ATG9A: variants seen among roughly 807,000 people sequenced by gnomAD.
ATG9A encodes autophagy-related protein 9A.
Under a neutral mutation model 87.1 loss-of-function variants are expected in ATG9A, and 21 were observed. The observed-to-expected ratio is 0.24, with a 90% CI of 0.17 to 0.35. ATG9A has a LOEUF of 0.35. Ranked by LOEUF, ATG9A falls within the 10% of genes least tolerant of loss-of-function variation. The pLI, the probability that ATG9A is intolerant of heterozygous loss-of-function variation, is 1.00. For missense variants in ATG9A, 836 were observed against 1,107.3 expected (o/e 0.76, Z 3.48); for synonymous variants, 422 against 441.3 (o/e 0.96, Z 0.55).
In ATG9A at chr2:219,223,502, G is replaced by A; in HGVS notation, c.1599+83C>T. 1 of 1,436,920 alleles carries A rather than the reference G, an allele frequency of 7.0e-7. No individual in the cohort carries two copies. Among genetic ancestry groups the A allele is most frequent in the Non-Finnish European group, 9.4e-7 (1 of 1,067,112 alleles). The allele number at this position is 1,436,920 out of a possible 1,614,324, so 89.0% of individuals were successfully genotyped here. A position where few individuals can be genotyped will look rare whatever the true frequency, so the allele number is the denominator to read the frequency against. ...AGGACTGCCTTTGTGTGACTCAGGA[G>A]AGGTGTCTTTTTGCGGTTTTCCCAA... On this transcript the variant is annotated intron_variant, in intron 10 of 15. Coordinates refer to ENST00000361242, the MANE Select transcript of ATG9A (RefSeq NM_001077198.3). This position sits in a 1 kb window ranked among gnomAD's most constrained non-coding sequence, Gnocchi z 4.7.
rs1036547785 is a variant in ATG9A at position 219,220,590 on chromosome 2, C to T, written c.2515-138G>A. 17 of 1,499,110 alleles carry T rather than the reference C, an allele frequency of 1.1e-5. No individual in the cohort carries two copies. In the African/African-American group the frequency reaches 2.2e-4, roughly 20 times the overall value. 92.9% of individuals were successfully genotyped at this position (1,499,110 alleles called of 1,614,324 possible). The stretch of plus-strand genomic sequence containing the variant: ...TAAGGTAAGGAAAAACCAAGCCCTG[C>T]AGAGCAGTTGAGAAAAGAAGGGGTA... On this transcript the variant is annotated intron_variant, in intron 15 of 15. Coordinates refer to ENST00000361242, the MANE Select transcript of ATG9A (RefSeq NM_001077198.3).
chr2:219,224,283 T>C lies in ATG9A; in HGVS notation c.1088A>G (p.Lys363Arg). Residue 363 changes from lysine (K) to arginine (R), a missense_variant, in exon 8 of 16, where the codon AAG (lysine) becomes AGG (arginine). By Grantham distance (26) the Lys-to-Arg change is conservative. Around this residue, in one of 2 missense-constraint regions of ATG9A, gnomAD observed 512 missense variants for 759.6 expected, o/e 0.67. Coordinates refer to ENST00000361242, the MANE Select transcript of ATG9A (RefSeq NM_001077198.3). This position sits in a 1 kb window ranked among gnomAD's most constrained non-coding sequence, Gnocchi z 7.7. Reference sequence around the variant, plus strand: ...AGGTGACAAGAAGCAATTCATGTACTTGGAGGCGGGCTTGTAGCCACGGTT... The same window carrying C: ...AGGTGACAAGAAGCAATTCATGTACCTGGAGGCGGGCTTGTAGCCACGGTT... ...RLNRGYKPAS[K>R]YMNCFLSPLL... is the part of the protein sequence containing the mutation. 2 of 1,613,988 alleles carry C rather than the reference T, an allele frequency of 1.2e-6. No homozygotes were observed. The highest frequency in any genetic ancestry group is 1.7e-6 in the Non-Finnish European group (2 of 1,180,038).
chr2:219,221,334 C>T (rs1195860612), intron 13 of ATG9A, 32 bp from the exon 14 acceptor site: 3 of 1,510,298 alleles, frequency 2.0e-6, no homozygotes, highest in African/African-American at 1.4e-5. Flanking sequence ...TAGTGGGGGA[C>T]AGACGGATGT....
Position 219,222,962 on chromosome 2 carries a change from G to A in ATG9A, c.1600-69C>T, listed in dbSNP as rs188934878. 1.1e-3 allele frequency: 1,698 copies of A among 1,589,600 alleles called. 20 individuals carry two copies. In the South Asian group the frequency reaches 0.011, roughly 10 times the overall value. On this transcript the variant is annotated intron_variant, in intron 10 of 15. Coordinates refer to ENST00000361242, the MANE Select transcript of ATG9A (RefSeq NM_001077198.3). This position sits in a 1 kb window ranked among gnomAD's most constrained non-coding sequence, Gnocchi z 4.3. ...GAGCCTTCCTGCACCTTTCCTGTTA[G>A]TGGGGAGGCCTTACCCTTGGAGAAC...
intron 5 of ATG9A, among the ~76,000 whole-genome samples, chr2:219,226,489 A>G (rs1264347135): frequency 1.3e-5 from 2 of 151,800 alleles, no homozygotes; most frequent in African/African-American, 4.8e-5. Context: ...GTTCGAGACC[A>G]GCCTGGCCAA....
At chr2:219,220,640 G>A (rs1950733948) in intron 15 of ATG9A, 107 bp downstream of exon 15, 3 of 1,506,388 alleles carry the variant, frequency 2.0e-6, no homozygotes, top group Middle Eastern at 1.8e-4. Flanking sequence ...GGAGGGTACA[G>A]TATCTCTGTG....
chr2:219,228,222 G>A, intron 2 of ATG9A, 169 bp from the exon 3 acceptor site: 1 of 571,586 alleles, frequency 1.7e-6, no homozygotes, highest in Non-Finnish European at 3.1e-6. Flanking sequence ...GCTCAGGGCT[G>A]GGGGAGCCTT....
At chr2:219,220,692 C>A in intron 15 of ATG9A, 55 bp downstream of exon 15, 1 of 1,593,956 alleles carries the variant, frequency 6.3e-7, no homozygotes, top group Non-Finnish European at 8.6e-7. Flanking sequence ...AAGCTGTTAC[C>A]TCACCCTGGA....
In ATG9A at chr2:219,223,706, C is replaced by T. The variant is rs1299558413; in HGVS notation, c.1478G>A (p.Cys493Tyr). The T allele has an allele frequency of 1.2e-6, 2 of 1,613,692 alleles. No individual in the cohort carries two copies. Among genetic ancestry groups the T allele is most frequent in the South Asian group, 2.2e-5 (2 of 91,068 alleles). ...PIVTPLILIF[C>Y]LRPRALEIID... ...AATCTCCAGGGCCCGTGGGCGCAGG[C>T]AGAAGATGAGGATGAGGGGTGTGAC... The change falls in exon 10 of 16, where the codon TGC becomes TAC. Residue 493 changes from cysteine (C) to tyrosine (Y), a missense_variant. Physicochemically the swap from Cys to Tyr is radical, Grantham distance 194. Transcript: ENST00000361242. The surrounding 1 kb of genome is among the most constrained non-coding windows in gnomAD (Gnocchi z 4.7).
At position 219,224,515 on chromosome 2, in the gene ATG9A, G is replaced by A; in HGVS notation, c.856C>T (p.Leu286Phe). The A allele has an allele frequency of 6.2e-7, 1 of 1,614,138 alleles. No individual in the cohort carries two copies. Among genetic ancestry groups the A allele is most frequent in the South Asian group, 1.1e-5 (1 of 91,088 alleles). Residue 286 changes from leucine (L) to phenylalanine (F), a missense_variant, in exon 8 of 16, where the codon CTC becomes TTC. Coordinates refer to ENST00000361242, the MANE Select transcript of ATG9A (RefSeq NM_001077198.3). The surrounding 1 kb of genome is among the most constrained non-coding windows in gnomAD (Gnocchi z 7.7). ...GGQRLELAQR[L>F]SNRILWIGIA... is the part of the protein sequence containing the mutation. ...CCAATCCACAGGATGCGGTTGCTGA[G>A]GCGCTGGGCCAGCTCTAGCCGTTGC... is the stretch of plus-strand genomic sequence containing the variant.
chr2:219,220,972 G>C (rs1190579883), intron 14 of ATG9A, 80 bp from the exon 15 acceptor site: 4 of 1,570,728 alleles, frequency 2.5e-6, no homozygotes, highest in Non-Finnish European at 3.5e-6. Context: ...TGCTTGGGGG[G>C]TGAGTCTTTG....
intron 5 of ATG9A, 56 bp from the exon 6 acceptor site, chr2:219,225,628 C>T: frequency 1.3e-6 from 2 of 1,575,268 alleles, no homozygotes; most frequent in Admixed American, 3.4e-5. Flanking sequence ...TCCAGTGAAA[C>T]CCAGTGGGAA....
chr2:219,227,017 T>G, intron 4 of ATG9A, 84 bp from the exon 5 acceptor site: 1 of 1,162,532 alleles, frequency 8.6e-7, no homozygotes. Flanking sequence ...GCTTAAGTCC[T>G]GGCTCTGTGA....
rs1038611467 is a variant in ATG9A, at chr2:219,223,262, G to A, written c.1599+323C>T. Among the ~76,000 whole-genome samples the A allele has an allele frequency of 3.3e-5, 5 of 151,908 alleles. No individual in the cohort carries two copies. The highest frequency in any genetic ancestry group is 5.9e-5 in the Non-Finnish European group (4 of 67,976). On this transcript the variant is annotated intron_variant, in intron 10 of 15. Transcript: ENST00000361242. The surrounding 1 kb of genome is among the most constrained non-coding windows in gnomAD (Gnocchi z 4.7). ...GCTACCACGCCTGGCTAATTTTTTT[G>A]TATTTTTAGTAGAGAAGGGGTTTCA...
rs377501750 is a variant in ATG9A, at chr2:219,222,260, C to T, written c.2027+12G>A. The T allele has an allele frequency of 5.0e-6, 8 of 1,613,352 alleles. No individual in the cohort carries two copies. The highest frequency in any genetic ancestry group is 2.2e-5 in the East Asian group (1 of 44,878). ...CTGCCGTGCCCTCCCATCTTGGCCC[C>T]GATTTACTCACCCAGAGCCTGTCAT... On this transcript the variant is annotated intron_variant, in intron 12 of 15. Transcript: ENST00000361242. This position sits in a 1 kb window ranked among gnomAD's most constrained non-coding sequence, Gnocchi z 4.3.
chr2:219,221,000 C>T (rs991655954), intron 14 of ATG9A, 80 bp downstream of exon 14: 3 of 1,592,440 alleles, frequency 1.9e-6, no homozygotes, highest in Non-Finnish European at 2.6e-6. Context: ...TCTCTCAGAC[C>T]TCTTTCCTCC....
At position 219,224,508 on chromosome 2, in the gene ATG9A, T is replaced by C. The variant is rs1559245419; in HGVS notation, c.863A>G (p.Asn288Ser). ...QRLELAQRLS[N>S]RILWIGIANF... ...AGCGATGCCAATCCACAGGATGCGG[T>C]TGCTGAGGCGCTGGGCCAGCTCTAG... Residue 288 changes from asparagine to serine, a missense_variant, in exon 8 of 16, where the codon AAC becomes AGC. By Grantham distance (46) the Asn-to-Ser change is conservative. Coordinates refer to ENST00000361242, the MANE Select transcript of ATG9A (RefSeq NM_001077198.3). This position sits in a 1 kb window ranked among gnomAD's most constrained non-coding sequence, Gnocchi z 7.7. 1.9e-6 allele frequency: 3 copies of C among 1,614,106 alleles called. No individual in the cohort carries two copies. The highest frequency in any genetic ancestry group is 2.7e-5 in the African/African-American group (2 of 75,054).
rs770164703 is a variant in ATG9A at position 219,222,216 on chromosome 2, C to T, written c.2028-49G>A. On this transcript the variant is annotated intron_variant, in intron 12 of 15. Coordinates refer to ENST00000361242, the MANE Select transcript of ATG9A (RefSeq NM_001077198.3). This position sits in a 1 kb window ranked among gnomAD's most constrained non-coding sequence, Gnocchi z 4.3. ...CAGCAGCTGTGAACTTCTCTGAGACCCACACAAGCTGCTGAGGGCTGCCGT... is the reference window on the plus strand; with the variant it reads ...CAGCAGCTGTGAACTTCTCTGAGACTCACACAAGCTGCTGAGGGCTGCCGT... 7.4e-6 allele frequency: 12 copies of T among 1,612,970 alleles called. No homozygotes were observed. The East Asian group carries it at 2.5e-4, about 33-fold the overall frequency.
In ATG9A at chr2:219,220,785, C is replaced by A. The variant is rs768544801; in HGVS notation, c.2476G>T (p.Glu826Ter). The A allele has an allele frequency of 6.8e-6, 11 of 1,613,560 alleles. No individual in the cohort carries two copies. The Admixed American group carries it at 1.7e-4, about 24-fold the overall frequency. The part of the protein sequence containing the change: ...ASRHPEPVPE[E>*]GSEDELPPQV... ...GGGGGTAGCTCATCCTCCGAGCCCT[C>A]TTCGGGCACGGGCTCAGGGTGCCTT... Residue 826 changes from glutamate to a stop codon, truncating the protein, a stop_gained, in exon 15 of 16, where the codon GAG becomes TAG. Transcript: ENST00000361242. LOFTEE classifies it high-confidence loss of function.
Sources: gnomAD v4.1 joint callset for allele counts (sites outside exome capture counted in the v4.1 genomes callset) on GRCh38, gnomAD v4.1.1 for gene constraint, gnomAD v4.1.1 regional missense constraint, Gnocchi (gnomAD v3.1) non-coding constraint, MANE v1.5 for transcripts, NCBI Gene and HGNC (gene_info 2026-07-23, HGNC 2026-07-21) for gene names.